The following BMPER variants were observed in gnomAD, a reference collection of about 807,000 sequenced individuals.
The protein encoded by BMPER is BMP binding endothelial regulator, also known as BMP-binding endothelial regulator protein.
In BMPER, 45 loss-of-function variants were observed where a neutral mutation model predicts 87.3. That is an observed-to-expected ratio of 0.52 (90% confidence interval 0.41 to 0.66). The LOEUF (loss-of-function observed/expected upper bound fraction) is 0.66, where lower values mean the gene tolerates loss of function less well. BMPER is among the 30% of genes least tolerant of loss of function. The pLI, the probability that BMPER is intolerant of heterozygous loss-of-function variation, is 0.00. For missense variants in BMPER, 784 were observed against 867.5 expected, an observed-to-expected ratio of 0.90 and a Z score of 1.21; for synonymous variants, 326 against 316.2, an observed-to-expected ratio of 1.03 and a Z score of -0.33.
chr7:33,937,102 A>G (rs1784620718), intron 2 of BMPER, among the ~76,000 whole-genome samples, 187 bp from the exon 3 acceptor site: 4 of 152,168 alleles, frequency 2.6e-5, no homozygotes. Flanking sequence ...TCTGATCTCC[A>G]AAGTCCTGTG....
At chr7:33,941,347 G>GA (rs1240839541) in intron 3 of BMPER, among the ~76,000 whole-genome samples, 1 of 150,992 alleles carries the variant, frequency 6.6e-6, no homozygotes, top group Non-Finnish European at 1.5e-5. Flanking sequence ...CAACCTTTTT[G>GA]GCATCAGGGA....
chr7:33,959,039 C>G (rs1785210612), intron 3 of BMPER, among the ~76,000 whole-genome samples: 1 of 152,150 alleles, frequency 6.6e-6, no homozygotes, highest in African/African-American at 2.4e-5. Context: ...GTGAGAAGTC[C>G]TTTTGCTCTT....
At chr7:34,039,228 A>T (rs767736087) in intron 6 of BMPER, among the ~76,000 whole-genome samples, 3 of 152,202 alleles carry the variant, frequency 2.0e-5, no homozygotes, top group Non-Finnish European at 2.9e-5. Flanking sequence ...TTTAAGTCTT[A>T]CTTACTGGAA....
rs77557241 is a variant in BMPER, at chr7:34,016,109, C to G, written c.577-30197C>G. On this transcript the variant is annotated intron_variant, in intron 6 of 14. Coordinates refer to ENST00000649409, the MANE Select transcript of BMPER (RefSeq NM_001365308.1). Reference sequence around the variant, plus strand: ...TCAGGACCACAGTCTATCCCCAATCCTATGTATTGTGCTGATGAAAACTTT... The same window carrying G: ...TCAGGACCACAGTCTATCCCCAATCGTATGTATTGTGCTGATGAAAACTTT... 7.0e-3 allele frequency among the ~76,000 whole-genome samples: 1,057 copies of G among 151,912 alleles called. 32 individuals are homozygous for G. The East Asian group carries it at 0.097, about 14-fold the overall frequency.
chr7:34,120,849 A>G (rs1386800464), intron 13 of BMPER, among the ~76,000 whole-genome samples: 1 of 152,202 alleles, frequency 6.6e-6, no homozygotes, highest in Non-Finnish European at 1.5e-5. Flanking sequence ...GAAACATAAT[A>G]TTGCATGAAA....
chr7:33,923,328 C>A (rs758682815), intron 2 of BMPER, among the ~76,000 whole-genome samples: 2 of 152,224 alleles, frequency 1.3e-5, no homozygotes, highest in African/African-American at 4.8e-5. Context: ...GCCACACACA[C>A]CCGTCTGTAA....
intron 13 of BMPER, among the ~76,000 whole-genome samples, chr7:34,091,314 C>T (rs1380041247): frequency 6.6e-6 from 1 of 152,104 alleles, no homozygotes; most frequent in Non-Finnish European, 1.5e-5. Flanking sequence ...AGTCAATTTC[C>T]CCTACTTCAA....
chr7:34,037,777 A>G (rs927721117), intron 6 of BMPER, among the ~76,000 whole-genome samples: 1 of 152,238 alleles, frequency 6.6e-6, no homozygotes, highest in African/African-American at 2.4e-5. Context: ...GAGAGGGCGA[A>G]TAAGACGAAA....
chr7:34,153,192 C>T lies in BMPER; in HGVS notation c.1977C>T (p.Cys659=), dbSNP rs766776338. The stretch of plus-strand genomic sequence containing the variant: ...AAATTGGTCCATGCAACAAGCCGTG[C>T]GTTGCTGGGTGCCACTGTCCAGCAA... ...WNEIGPCNKP[C]VAGCHCPANL... is the part of the protein sequence containing the mutation. The change falls in exon 15 of 15, where the codon TGC becomes TGT. Residue 659 remains cysteine (C), a synonymous_variant. Transcript: ENST00000649409. 21 of 1,613,936 alleles carry T rather than the reference C, an allele frequency of 1.3e-5. No homozygotes were observed. Among genetic ancestry groups the T allele is most frequent in the Admixed American group, 3.3e-5 (2 of 59,988 alleles).
rs1791268716 is a variant in BMPER, at chr7:34,154,712, T to G, written c.*1439T>G. On this transcript the variant is annotated 3_prime_UTR_variant, in exon 15 of 15. Transcript: ENST00000649409. ...AAAGACATTTATGTTTCTTTTACAT[T>G]CATGACAGCTAAAGTATTAACTTGG... 1 of 152,092 alleles carries G rather than the reference T, an allele frequency of 6.6e-6. No homozygotes were observed. The highest frequency in any genetic ancestry group is 1.5e-5 in the Non-Finnish European group (1 of 68,014). 9.4% of individuals were successfully genotyped at this position (152,092 alleles called of 1,614,324 possible).
chr7:33,999,336 A>G lies in BMPER; in HGVS notation c.576+24552A>G, dbSNP rs983381906. ...AGCTAGTTTAAAAAAATGGTAAGGTAGCTTTGAATTAAACCCAACAATTTC... is the reference window on the plus strand; with the variant it reads ...AGCTAGTTTAAAAAAATGGTAAGGTGGCTTTGAATTAAACCCAACAATTTC... On this transcript the variant is annotated intron_variant, in intron 6 of 14. Coordinates refer to ENST00000649409, the MANE Select transcript of BMPER (RefSeq NM_001365308.1). Among the ~76,000 whole-genome samples the G allele has an allele frequency of 3.3e-5, 5 of 152,350 alleles. No individual in the cohort carries two copies. In the East Asian group the frequency reaches 7.7e-4, roughly 24 times the overall value.
At chr7:34,005,883 C>A (rs889711901) in intron 6 of BMPER, among the ~76,000 whole-genome samples, 1 of 151,928 alleles carries the variant, frequency 6.6e-6, no homozygotes, top group Non-Finnish European at 1.5e-5. Flanking sequence ...GAGGTTAAAT[C>A]TTTCCTTGTG....
intron 14 of BMPER, among the ~76,000 whole-genome samples, chr7:34,148,821 G>T (rs2127996234): frequency 6.6e-6 from 1 of 152,218 alleles, no homozygotes; most frequent in African/African-American, 2.4e-5. Flanking sequence ...GAATGTGGTG[G>T]GAAAGAAGAA....
At chr7:33,993,934 G>T (rs1415631365) in intron 6 of BMPER, among the ~76,000 whole-genome samples, 4 of 152,158 alleles carry the variant, frequency 2.6e-5, no homozygotes, top group African/African-American at 9.7e-5. Context: ...GGCTGCTCGG[G>T]GGTCAGGGGT....
chr7:34,006,497 C>T (rs1786737239), intron 6 of BMPER, among the ~76,000 whole-genome samples: 1 of 152,046 alleles, frequency 6.6e-6, no homozygotes, highest in Non-Finnish European at 1.5e-5. Flanking sequence ...AGAGCCTATG[C>T]AAGCAATCAG....
At chr7:33,992,521 G>C (rs964499462) in intron 6 of BMPER, among the ~76,000 whole-genome samples, 4 of 148,960 alleles carry the variant, frequency 2.7e-5, no homozygotes, top group Non-Finnish European at 4.5e-5. Flanking sequence ...CTCTGCACGT[G>C]AGATGGGTTT....
Position 34,079,181 on chromosome 7 carries a change from A to G in BMPER, c.1403A>G (p.Lys468Arg). The G allele has an allele frequency of 6.2e-7, 1 of 1,613,514 alleles. No individual in the cohort carries two copies. Among genetic ancestry groups the G allele is most frequent in the African/African-American group, 1.3e-5 (1 of 75,028 alleles). Residue 468 changes from lysine to arginine, a missense_variant, in exon 12 of 15, where the codon AAA becomes AGA. Coordinates refer to ENST00000649409, the MANE Select transcript of BMPER (RefSeq NM_001365308.1). ...GGCTACCTCTTGAAAGTGACCACCA[A>G]AGCAGGTGGGGCGTCTGTGGCCTCC... ...LDGYLLKVTT[K>R]AGLEISWDGD...
At chr7:34,144,210 G>C (rs1562771082) in intron 14 of BMPER, among the ~76,000 whole-genome samples, 2 of 152,052 alleles carry the variant, frequency 1.3e-5, no homozygotes, top group Non-Finnish European at 2.9e-5. Flanking sequence ...TGATGGCATA[G>C]GGTAGGAGAA....
At chr7:34,134,001 G>A (rs1790657340) in intron 13 of BMPER, among the ~76,000 whole-genome samples, 1 of 152,186 alleles carries the variant, frequency 6.6e-6, no homozygotes, top group East Asian at 1.9e-4. Flanking sequence ...GTACATAGGT[G>A]AAATGAGATT....
Sources: allele counts gnomAD v4.1 joint callset (sites outside exome capture counted in the v4.1 genomes callset), GRCh38; gene constraint gnomAD v4.1.1; transcripts MANE v1.5; gene names NCBI Gene and HGNC (gene_info 2026-07-23, HGNC 2026-07-21).